The following ELOVL6 variants were observed in gnomAD, a reference collection of about 807,000 sequenced individuals.
ELOVL6 encodes ELOVL fatty acid elongase 6.
ELOVL6 carries 8 observed loss-of-function variants against 31.7 expected under a neutral mutation model. That is an observed-to-expected ratio of 0.25 (90% CI 0.15 to 0.45). ELOVL6 has a LOEUF of 0.45. Ranked by LOEUF, ELOVL6 falls within the 20% of genes least tolerant of loss-of-function variation. The pLI, the probability that ELOVL6 is intolerant of heterozygous loss-of-function variation, is 1.00. For synonymous variants in ELOVL6, 101 were observed against 117.7 expected, an observed-to-expected ratio of 0.86 and a Z score of 0.92; for missense variants, 126 against 326.4, an observed-to-expected ratio of 0.39 and a Z score of 4.73.
chr4:110,064,748 A>C (rs1755248906), intron 2 of ELOVL6, among the ~76,000 whole-genome samples: 2 of 152,134 alleles, frequency 1.3e-5, no homozygotes. Context: ...ACAGCCTCCC[A>C]AAGTGCTGGG....
intron 2 of ELOVL6, among the ~76,000 whole-genome samples, chr4:110,076,529 T>A (rs1755636123): frequency 6.6e-6 from 1 of 152,106 alleles, no homozygotes. Context: ...CTTTTCCATA[T>A]GAAAAAAATA....
At chr4:110,072,960 T>C (rs560264831) in intron 2 of ELOVL6, among the ~76,000 whole-genome samples, 7 of 152,314 alleles carry the variant, frequency 4.6e-5, no homozygotes, top group Middle Eastern at 3.4e-3. Context: ...ATGAGAATCA[T>C]ACACAGATAA....
chr4:110,066,454 G>A (rs111298912), intron 2 of ELOVL6, among the ~76,000 whole-genome samples: 29,219 of 151,076 alleles, frequency 0.19, 3,379 homozygotes, highest in African/African-American at 0.32. Flanking sequence ...GGCTAACACG[G>A]TGAAACCCCG....
At chr4:110,140,213 T>C (rs1446007922) in intron 1 of ELOVL6, among the ~76,000 whole-genome samples, 1 of 152,192 alleles carries the variant, frequency 6.6e-6, no homozygotes, top group African/African-American at 2.4e-5. Flanking sequence ...TTCTTTTACT[T>C]TTCTTTCCAC....
At chr4:110,078,850 A>C (rs1234299193) in intron 2 of ELOVL6, among the ~76,000 whole-genome samples, 1 of 152,214 alleles carries the variant, frequency 6.6e-6, no homozygotes, top group Admixed American at 6.5e-5. Flanking sequence ...AACCCATCTC[A>C]TGTGCAGAGA....
At chr4:110,191,283 G>A (rs1288416766) in intron 1 of ELOVL6, among the ~76,000 whole-genome samples, 1 of 152,140 alleles carries the variant, frequency 6.6e-6, no homozygotes, top group Admixed American at 6.5e-5. Context: ...CTGGATAAAG[G>A]AATGAAGTTA....
intron 1 of ELOVL6, among the ~76,000 whole-genome samples, chr4:110,122,843 T>C (rs541894496): frequency 5.2e-4 from 79 of 152,332 alleles, no homozygotes; most frequent in African/African-American, 1.6e-3. Context: ...TCTCAGTACG[T>C]TGAATGCCCT....
intron 1 of ELOVL6, among the ~76,000 whole-genome samples, chr4:110,168,187 C>A (rs114567708): frequency 0.045 from 6,817 of 152,118 alleles, 223 homozygotes; most frequent in South Asian, 0.12. Context: ...TAGCTTATTG[C>A]ATGAGAATTA....
At position 110,084,400 on chromosome 4, in the gene ELOVL6, T is replaced by TCACACATATCA. The variant is rs1560815193; in HGVS notation, c.221+21096_221+21097insTGATATGTGTG. 2.9e-4 allele frequency among the ~76,000 whole-genome samples: 27 copies of TCACACATATCA among 91,556 alleles called. 4 individuals are homozygous for TCACACATATCA. Among genetic ancestry groups the TCACACATATCA allele is most frequent in the Non-Finnish European group, 4.6e-4 (20 of 43,610 alleles). 60.1% of individuals were successfully genotyped at this position (91,556 alleles called of 152,430 possible). The stretch of plus-strand genomic sequence containing the variant: ...TGATATATATCGCATATATGATATA[T>TCACACATATCA]GATATATGACATACATGATATATCA... On this transcript the variant is annotated intron_variant, in intron 2 of 3. Transcript: ENST00000302274.
intron 1 of ELOVL6, among the ~76,000 whole-genome samples, chr4:110,125,219 A>C (rs1362978743): frequency 6.6e-6 from 1 of 152,184 alleles, no homozygotes; most frequent in Non-Finnish European, 1.5e-5. Context: ...TGAAGTTTTA[A>C]ATTTTTAGCT....
At chr4:110,167,061 G>A (rs1328794274) in intron 1 of ELOVL6, among the ~76,000 whole-genome samples, 2 of 152,052 alleles carry the variant, frequency 1.3e-5, no homozygotes, top group Non-Finnish European at 2.9e-5. Flanking sequence ...TGCATGTCAG[G>A]CACACTCTCA....
intron 1 of ELOVL6, among the ~76,000 whole-genome samples, chr4:110,124,315 C>CTAA (rs1398904450): frequency 6.6e-6 from 1 of 152,102 alleles, no homozygotes; most frequent in East Asian, 1.9e-4. Flanking sequence ...CAAATGCCCA[C>CTAA]TAATGATGGA....
chr4:110,134,252 G>A (rs896799714), intron 1 of ELOVL6, among the ~76,000 whole-genome samples: 3 of 152,138 alleles, frequency 2.0e-5, no homozygotes, highest in Middle Eastern at 3.2e-3. Context: ...GAAGTGACGA[G>A]AGAACATATT....
chr4:110,084,253 A>G (rs144718016), intron 2 of ELOVL6, among the ~76,000 whole-genome samples: 9,109 of 127,400 alleles, frequency 0.071, 1,185 homozygotes, highest in East Asian at 0.26. Context: ...GATATATATA[A>G]CATATAGCTT....
chr4:110,146,482 AT>A (rs1241503894), intron 1 of ELOVL6: 1 of 152,898 alleles, frequency 6.5e-6, no homozygotes. Flanking sequence ...AGGTATGCAT[AT>A]ACAAAAAGCC....
chr4:110,196,633 G>A (rs968600), intron 1 of ELOVL6, among the ~76,000 whole-genome samples: 126,987 of 152,202 alleles, frequency 0.83, 53,058 homozygotes, highest in Middle Eastern at 0.88. Context: ...CCCTGTGCCT[G>A]TGTGGCTGCT....
intron 2 of ELOVL6, among the ~76,000 whole-genome samples, chr4:110,079,631 G>A (rs560205603): frequency 2.7e-4 from 41 of 152,240 alleles, no homozygotes; most frequent in African/African-American, 9.9e-4. Context: ...GCCCACAAGA[G>A]AAAGCAGAAA....
intron 1 of ELOVL6, among the ~76,000 whole-genome samples, chr4:110,195,174 T>G (rs1264834282): frequency 6.6e-6 from 1 of 152,200 alleles, no homozygotes; most frequent in African/African-American, 2.4e-5. Context: ...TGGATTCTAT[T>G]AAAAATAAAA....
chr4:110,155,076 C>T (rs2126266842), intron 1 of ELOVL6, among the ~76,000 whole-genome samples: 1 of 152,170 alleles, frequency 6.6e-6, no homozygotes, highest in African/African-American at 2.4e-5. Context: ...GCATATACTG[C>T]TATTATATAC....
Sources: allele counts gnomAD v4.1 joint callset (sites outside exome capture counted in the v4.1 genomes callset), GRCh38; gene constraint gnomAD v4.1.1; transcripts MANE v1.5; gene names NCBI Gene and HGNC (gene_info 2026-07-23, HGNC 2026-07-21).